The following LRRC36 variants were observed in gnomAD, a reference collection of about 807,000 sequenced individuals.
LRRC36 encodes leucine rich repeat containing 36.
LRRC36 carries 62 observed loss-of-function variants against 81.1 expected under a neutral mutation model. The observed-to-expected ratio is 0.76, with a 90% CI of 0.62 to 0.94. The LOEUF is 0.94. LRRC36 is among the 40% of genes least tolerant of loss of function. LRRC36 has a pLI of 0.00. For missense variants in LRRC36, 761 were observed against 881.7 expected, an observed-to-expected ratio of 0.86 and a Z score of 1.73; for synonymous variants, 334 against 348.6, an observed-to-expected ratio of 0.96 and a Z score of 0.47.
Position 67,375,317 on chromosome 16 carries a change from C to A in LRRC36, c.1565C>A (p.Thr522Asn). ...GNHSPPISAR[T>N]PHVATVLRQL... ...CACAGTCCCCCCATCTCTGCCAGAA[C>A]CCCCCATGTGGCCACTGTCCTCAGA... The change falls in exon 10 of 14, where the codon ACC (threonine) becomes AAC (asparagine). Residue 522 changes from threonine to asparagine, a missense_variant. Thr to Asn is a moderately conservative substitution (Grantham distance 65). Transcript: ENST00000329956. 3.1e-6 allele frequency: 5 copies of A among 1,612,374 alleles called. No homozygotes were observed. Among genetic ancestry groups the A allele is most frequent in the Non-Finnish European group, 4.2e-6 (5 of 1,179,596 alleles).
At position 67,375,424 on chromosome 16, in the gene LRRC36, C is replaced by T. The variant is rs1237344793; in HGVS notation, c.1660+12C>T. 2 of 1,566,562 alleles carry T rather than the reference C, an allele frequency of 1.3e-6. No individual in the cohort carries two copies. The highest frequency in any genetic ancestry group is 1.7e-4 in the Middle Eastern group (1 of 5,828). On this transcript the variant is annotated intron_variant, in intron 10 of 13. Transcript: ENST00000329956. The stretch of plus-strand genomic sequence containing the variant: ...CAAGAAGTTTCTCGGTGAGTGAATG[C>T]ATTCTCTGTCCTTGGACAGGAGTTG...
intron 1 of LRRC36, 113 bp downstream of exon 1, chr16:67,327,045 G>A (rs2037215023): frequency 1.9e-6 from 2 of 1,057,222 alleles, no homozygotes; most frequent in Non-Finnish European, 2.6e-6. Context: ...CCACAGAGAA[G>A]CGGTACCTGA....
intron 4 of LRRC36, 65 bp downstream of exon 4, chr16:67,347,656 C>A: frequency 9.2e-7 from 1 of 1,085,328 alleles, no homozygotes; most frequent in Non-Finnish European, 1.4e-6. Flanking sequence ...TGAATTCCTG[C>A]TTAGCTTTCT....
intron 1 of LRRC36, 51 bp downstream of exon 1, chr16:67,326,983 T>A: frequency 7.0e-7 from 1 of 1,437,986 alleles, no homozygotes; most frequent in Non-Finnish European, 9.0e-7. Flanking sequence ...TCAGAAGCTG[T>A]GGAAAGAAAA....
rs901450455 is a variant in LRRC36 at position 67,382,255 on chromosome 16, A to G, written c.2045+8A>G. On this transcript the variant is annotated splice_region_variant and intron_variant, in intron 13 of 13. Transcript: ENST00000329956. ...TCTCCATGAAAGTCAGAGGTAGGAG[A>G]GGGTCTATCTAGCTTGCTTCTAGAA... The G allele has an allele frequency of 1.3e-6, 2 of 1,596,426 alleles. No homozygotes were observed. Among genetic ancestry groups the G allele is most frequent in the Non-Finnish European group, 1.7e-6 (2 of 1,164,396 alleles).
At chr16:67,336,095 G>A (rs1286513134) in intron 1 of LRRC36, among the ~76,000 whole-genome samples, 1 of 152,184 alleles carries the variant, frequency 6.6e-6, no homozygotes, top group East Asian at 1.9e-4. Context: ...CATATAGTAT[G>A]TAACCTTTCA....
At chr16:67,329,833 G>A (rs996773029) in intron 1 of LRRC36, among the ~76,000 whole-genome samples, 3 of 151,990 alleles carry the variant, frequency 2.0e-5, no homozygotes, top group African/African-American at 7.2e-5. Context: ...CAGGAGAATC[G>A]CTTGAACCCG....
intron 1 of LRRC36, among the ~76,000 whole-genome samples, chr16:67,338,499 G>A (rs1387595892): frequency 6.6e-6 from 1 of 152,064 alleles, no homozygotes; most frequent in Admixed American, 6.6e-5. Context: ...ATTCTTCTTT[G>A]ATACAATATG....
intron 11 of LRRC36, among the ~76,000 whole-genome samples, chr16:67,378,086 C>G (rs2039972338): frequency 6.6e-6 from 1 of 152,094 alleles, no homozygotes; most frequent in Non-Finnish European, 1.5e-5. Flanking sequence ...ATTGCTAGTC[C>G]ATGTAATAAA....
Position 67,382,133 on chromosome 16 carries a change from A to G in LRRC36, c.1931A>G (p.Asp644Gly). The change falls in exon 13 of 14, where the codon GAT becomes GGT. Residue 644 changes from aspartate to glycine, a missense_variant and splice_region_variant. This residue lies in a region of LRRC36 where 359 missense variants were observed against 388.4 expected (regional missense o/e 0.92). Transcript: ENST00000329956. The stretch of plus-strand genomic sequence containing the variant: ...CCCCTGGCTACTGTGCCCTTTGTAG[A>G]TGATCTTCTGCACAAAAACCAACAG... ...IVSGQQSHTYDDLLHKNQQLT... is the reference protein window; with the variant it reads ...IVSGQQSHTYGDLLHKNQQLT... 1 of 1,606,684 alleles carries G rather than the reference A, an allele frequency of 6.2e-7. No individual in the cohort carries two copies. The highest frequency in any genetic ancestry group is 8.5e-7 in the Non-Finnish European group (1 of 1,173,338).
intron 9 of LRRC36, among the ~76,000 whole-genome samples, chr16:67,372,544 A>C (rs562201069): frequency 6.6e-6 from 1 of 152,186 alleles, no homozygotes; most frequent in East Asian, 1.9e-4. Flanking sequence ...TACTTCCATC[A>C]TGAGGAAGAT....
At chr16:67,343,826 A>AT (rs1182882410) in intron 2 of LRRC36, among the ~76,000 whole-genome samples, 3 of 151,156 alleles carry the variant, frequency 2.0e-5, no homozygotes, top group South Asian at 2.1e-4. Flanking sequence ...ATTTTTATTT[A>AT]TTTTTTTTGA....
chr16:67,378,655 C>G lies in LRRC36; in HGVS notation c.1873C>G (p.Gln625Glu), dbSNP rs758235836. The change falls in exon 12 of 14, where the codon CAG becomes GAG. Residue 625 changes from glutamine (Q) to glutamate (E), a missense_variant. By Grantham distance (29) the Gln-to-Glu change is conservative. Transcript: ENST00000329956. ...CCTCATTTTGTCAGAAAAAATTCAACAGTTGGAGGAAGGTGCTGCCATCTC... is the reference window on the plus strand; with the variant it reads ...CCTCATTTTGTCAGAAAAAATTCAAGAGTTGGAGGAAGGTGCTGCCATCTC... The part of the protein sequence containing the change: ...ENLILSEKIQ[Q>E]LEEGAAISIV... The G allele has an allele frequency of 1.9e-6, 3 of 1,613,958 alleles. No individual in the cohort carries two copies. In the Admixed American group the frequency reaches 5.0e-5, roughly 27 times the overall value.
At chr16:67,332,944 TGCAGTG>T (rs1436916799) in intron 1 of LRRC36, among the ~76,000 whole-genome samples, 1 of 151,882 alleles carries the variant, frequency 6.6e-6, no homozygotes, top group East Asian at 1.9e-4. Flanking sequence ...CAAGCTGGAG[TGCAGTG>T]GCATGATCAT....
At chr16:67,368,623 T>G (rs2039505038) in intron 8 of LRRC36, among the ~76,000 whole-genome samples, 1 of 152,180 alleles carries the variant, frequency 6.6e-6, no homozygotes, top group Non-Finnish European at 1.5e-5. Context: ...CTGGGTGAGA[T>G]CAGAAGGAGT....
intron 5 of LRRC36, among the ~76,000 whole-genome samples, chr16:67,352,257 A>G (rs1244794605): frequency 6.6e-6 from 1 of 152,182 alleles, no homozygotes; most frequent in Non-Finnish European, 1.5e-5. Context: ...TTTTCCACTG[A>G]AAATTGTGTT....
intron 1 of LRRC36, among the ~76,000 whole-genome samples, chr16:67,341,317 A>ACAGT (rs2038071959): frequency 2.1e-5 from 3 of 146,276 alleles, no homozygotes; most frequent in African/African-American, 7.5e-5. Context: ...TAGACTATAG[A>ACAGT]CTATATATAG....
intron 2 of LRRC36, 71 bp downstream of exon 2, chr16:67,342,155 G>A (rs1597439762): frequency 2.7e-6 from 3 of 1,119,862 alleles, no homozygotes; most frequent in Non-Finnish European, 3.7e-6. Flanking sequence ...ATAAGAGATA[G>A]ATCATGTCAT....
At chr16:67,330,832 T>C (rs2037446856) in intron 1 of LRRC36, among the ~76,000 whole-genome samples, 1 of 152,118 alleles carries the variant, frequency 6.6e-6, no homozygotes, top group African/African-American at 2.4e-5. Context: ...ACCACTGCAC[T>C]TCAGCCTGGA....
Sources: allele counts gnomAD v4.1 joint callset (sites outside exome capture counted in the v4.1 genomes callset), GRCh38; gene constraint gnomAD v4.1.1; regional missense constraint gnomAD v4.1.1; transcripts MANE v1.5; gene names NCBI Gene and HGNC (gene_info 2026-07-23, HGNC 2026-07-21).